MAP3K10: variants seen among roughly 807,000 people sequenced by gnomAD.
MAP3K10 encodes MKN28 derived nonreceptor_type serine/threonine kinase.
Under a neutral mutation model 75.0 loss-of-function variants are expected in MAP3K10, and 22 were observed. That is an observed-to-expected ratio of 0.29 (90% CI 0.21 to 0.42). The LOEUF (loss-of-function observed/expected upper bound fraction) is 0.42. MAP3K10 is among the 10% of genes least tolerant of loss of function. The pLI is 1.00. For synonymous variants in MAP3K10, 599 were observed against 612.9 expected (o/e 0.98, Z 0.34); for missense variants, 1,165 against 1,379.8 (o/e 0.84, Z 2.47).
intron 6 of MAP3K10, 73 bp downstream of exon 6, chr19:40,209,292 T>C: frequency 8.4e-7 from 1 of 1,186,608 alleles, no homozygotes; most frequent in Non-Finnish European, 1.2e-6. Context: ...TGTTTATACC[T>C]GGCACCAAGC....
rs200143553 is a variant in MAP3K10 at position 40,198,451 on chromosome 19, C to T, written c.759C>T (p.Arg253=). ...VLKITDFGLA[R]EWHKTTKMSA... ...AGATCACGGACTTCGGCCTCGCCCG[C>T]GAGTGGCACAAGACCACCAAGATGA... The change falls in exon 2 of 10, where the codon CGC becomes CGT. Residue 253 remains arginine (R), a synonymous_variant. Transcript: ENST00000253055. This position sits in a 1 kb window ranked among gnomAD's most constrained non-coding sequence, Gnocchi z 4.3. 19 of 1,614,180 alleles carry T rather than the reference C, an allele frequency of 1.2e-5. No individual in the cohort carries two copies. In the Admixed American group the frequency reaches 1.7e-4, roughly 14 times the overall value.
Position 40,213,413 on chromosome 19 carries a change from T to G in MAP3K10, c.1838-104T>G. 1 of 1,518,838 alleles carries G rather than the reference T, an allele frequency of 6.6e-7. No individual in the cohort carries two copies. The highest frequency in any genetic ancestry group is 8.8e-7 in the Non-Finnish European group (1 of 1,138,222). 94.1% of individuals were successfully genotyped at this position (1,518,838 alleles called of 1,614,324 possible). Reference sequence around the variant, plus strand: ...GATTCAAGAACGATGCTCGTGGGTCTTGGTCTTGCTGTTGGAGGGGTCATC... The same window carrying G: ...GATTCAAGAACGATGCTCGTGGGTCGTGGTCTTGCTGTTGGAGGGGTCATC... On this transcript the variant is annotated intron_variant, in intron 8 of 9. Transcript: ENST00000253055. The surrounding 1 kb of genome is among the most constrained non-coding windows in gnomAD (Gnocchi z 5.7).
In MAP3K10 at chr19:40,213,950, C is replaced by T. The variant is rs751025880; in HGVS notation, c.2271C>T (p.Ser757=). ...TGTCGTCCGTGTCCGACTGCAACTCCACGCGTTCACTGCTGCGCTCTGACA... is the reference window on the plus strand; with the variant it reads ...TGTCGTCCGTGTCCGACTGCAACTCTACGCGTTCACTGCTGCGCTCTGACA... ...VSLSSVSDCN[S]TRSLLRSDSD... Residue 757 remains serine (S), a synonymous_variant, in exon 9 of 10, where the codon TCC becomes TCT. Coordinates refer to ENST00000253055, the MANE Select transcript of MAP3K10 (RefSeq NM_002446.4). This position sits in a 1 kb window ranked among gnomAD's most constrained non-coding sequence, Gnocchi z 5.7. 31 of 1,533,242 alleles carry T rather than the reference C, an allele frequency of 2.0e-5. No homozygotes were observed. The East Asian group carries it at 7.1e-4, about 35-fold the overall frequency. The allele number at this position is 1,533,242 out of a possible 1,614,324, so 95.0% of individuals were successfully genotyped here.
Position 40,198,595 on chromosome 19 carries a change from G to C in MAP3K10, c.863+40G>C. The C allele has an allele frequency of 6.4e-7, 1 of 1,568,156 alleles. No homozygotes were observed. Among genetic ancestry groups the C allele is most frequent in the Non-Finnish European group, 8.7e-7 (1 of 1,150,964 alleles). ...GGCCGGGATGGCCTCTGGGGAGTAA[G>C]GGAGGGAGGAAGGGGTGAGGGCAGA... is the stretch of plus-strand genomic sequence containing the variant. On this transcript the variant is annotated intron_variant, in intron 2 of 9. Coordinates refer to ENST00000253055, the MANE Select transcript of MAP3K10 (RefSeq NM_002446.4). The surrounding 1 kb of genome is among the most constrained non-coding windows in gnomAD (Gnocchi z 4.3).
chr19:40,192,346 T>C lies in MAP3K10; in HGVS notation c.315T>C (p.Gly105=), dbSNP rs760193793. 2 of 1,613,034 alleles carry C rather than the reference T, an allele frequency of 1.2e-6. No individual in the cohort carries two copies. Among genetic ancestry groups the C allele is most frequent in the South Asian group, 2.2e-5 (2 of 91,020 alleles). The change falls in exon 1 of 10, where the codon GGT becomes GGC. Residue 105 remains glycine, a synonymous_variant. Coordinates refer to ENST00000253055, the MANE Select transcript of MAP3K10 (RefSeq NM_002446.4). The surrounding 1 kb of genome is among the most constrained non-coding windows in gnomAD (Gnocchi z 7.1). ...FHELQLEEII[G]VGGFGKVYRA... is the part of the protein sequence containing the mutation. ...AGCTGCAGCTAGAGGAGATCATCGG[T>C]GTGGGGGGCTTTGGCAAGGTCTATC...
chr19:40,208,254 C>T (rs572140921), intron 5 of MAP3K10, among the ~76,000 whole-genome samples: 1 of 151,338 alleles, frequency 6.6e-6, no homozygotes, highest in East Asian at 2.0e-4. Context: ...TCACTGCAAG[C>T]TCTGCCTCCC....
intron 2 of MAP3K10, among the ~76,000 whole-genome samples, chr19:40,199,625 T>C (rs973511425): frequency 6.6e-5 from 10 of 152,098 alleles, no homozygotes; most frequent in African/African-American, 2.2e-4. Context: ...GAGAGGGAGC[T>C]GGAAGGCCCT....
rs375817598 is a variant in MAP3K10, at chr19:40,204,766, G to T, written c.1012+133G>T. Reference sequence around the variant, plus strand: ...AGGAAGAAGGGGCTGGAACCCACTGGACTCTAAACAGCCTCCCCATGGTTG... The same window carrying T: ...AGGAAGAAGGGGCTGGAACCCACTGTACTCTAAACAGCCTCCCCATGGTTG... On this transcript the variant is annotated intron_variant, in intron 3 of 9. Coordinates refer to ENST00000253055, the MANE Select transcript of MAP3K10 (RefSeq NM_002446.4). The surrounding 1 kb of genome is among the most constrained non-coding windows in gnomAD (Gnocchi z 4.3). The T allele has an allele frequency of 1.5e-4, 162 of 1,115,372 alleles. No homozygotes were observed. The highest frequency in any genetic ancestry group is 1.9e-4 in the Non-Finnish European group (155 of 804,886). 69.1% of individuals were successfully genotyped at this position (1,115,372 alleles called of 1,614,324 possible).
chr19:40,199,742 G>A (rs1972982907), intron 2 of MAP3K10, among the ~76,000 whole-genome samples: 1 of 152,230 alleles, frequency 6.6e-6, no homozygotes, highest in Non-Finnish European at 1.5e-5. Flanking sequence ...AGTACTTTGG[G>A]AGGCCAAGGT....
In MAP3K10 at chr19:40,213,789, C is replaced by T. The variant is rs1447357184; in HGVS notation, c.2110C>T (p.Arg704Cys). 1.6e-6 allele frequency: 2 copies of T among 1,251,692 alleles called. No homozygotes were observed. The highest frequency in any genetic ancestry group is 2.0e-6 in the Non-Finnish European group (2 of 992,328). 77.5% of individuals were successfully genotyped at this position (1,251,692 alleles called of 1,614,324 possible). ...ARAADGEEQR[R>C]WLDGLFFPRA... ...CGCGGCCGACGGTGAGGAGCAGCGG[C>T]GCTGGCTCGACGGCCTCTTCTTTCC... The change falls in exon 9 of 10, where the codon CGC becomes TGC. Residue 704 changes from arginine to cysteine, a missense_variant. Coordinates refer to ENST00000253055, the MANE Select transcript of MAP3K10 (RefSeq NM_002446.4). This position sits in a 1 kb window ranked among gnomAD's most constrained non-coding sequence, Gnocchi z 5.7.
At position 40,214,935 on chromosome 19, in the gene MAP3K10, C is replaced by T. The variant is rs1973322616; in HGVS notation, c.2543-35C>T. On this transcript the variant is annotated intron_variant, in intron 9 of 9. Transcript: ENST00000253055. ...GGCTTTTTAATGCCACCCTCTGCCC[C>T]ACCCCACTCACCTCCTCTGAACCTC... 4.0e-6 allele frequency: 4 copies of T among 1,002,226 alleles called. No homozygotes were observed. In the South Asian group the frequency reaches 5.4e-5, roughly 14 times the overall value. 62.1% of individuals were successfully genotyped at this position (1,002,226 alleles called of 1,614,324 possible). A position where few individuals can be genotyped will look rare whatever the true frequency, so the allele number is the denominator to read the frequency against.
chr19:40,199,794 C>T (rs1972984139), intron 2 of MAP3K10, among the ~76,000 whole-genome samples: 1 of 151,812 alleles, frequency 6.6e-6, no homozygotes, highest in African/African-American at 2.4e-5. Context: ...CCAGCCTGGT[C>T]AATGTAGTGA....
At chr19:40,211,075 G>A (rs1007082457) in intron 6 of MAP3K10, among the ~76,000 whole-genome samples, 4 of 152,228 alleles carry the variant, frequency 2.6e-5, no homozygotes, top group African/African-American at 9.6e-5. Context: ...ATGGGAGGAG[G>A]TGAGGTTTGA....
rs61289931 is a variant in MAP3K10 at position 40,195,471 on chromosome 19, C to CTT, written c.682+2794_682+2795dup. Among the ~76,000 whole-genome samples the CTT allele has an allele frequency of 9.3e-3, 451 of 48,628 alleles. 148 individuals carry two copies. Among genetic ancestry groups the CTT allele is most frequent in the Non-Finnish European group, 0.012 (265 of 22,782 alleles). 31.9% of individuals were successfully genotyped at this position (48,628 alleles called of 152,430 possible). On this transcript the variant is annotated intron_variant, in intron 1 of 9. Transcript: ENST00000253055. ...GAGGTAACACTGAAGCCCGCCCGGC[C>CTT]TTTTTTTTTTTTTTTTTTTTTTTTT... is the stretch of plus-strand genomic sequence containing the variant.
At chr19:40,201,634 A>G (rs1207545296) in intron 2 of MAP3K10, among the ~76,000 whole-genome samples, 2 of 151,414 alleles carry the variant, frequency 1.3e-5, no homozygotes, top group Admixed American at 1.3e-4. Context: ...CTGGGACTAC[A>G]GGCATGCCAC....
chr19:40,194,323 A>G (rs1417565719), intron 1 of MAP3K10, among the ~76,000 whole-genome samples: 3 of 151,814 alleles, frequency 2.0e-5, no homozygotes, highest in African/African-American at 7.3e-5. Context: ...GCACCACTGC[A>G]CTCCAGCCTG....
At position 40,210,386 on chromosome 19, in the gene MAP3K10, G is replaced by A. The variant is rs747952756; in HGVS notation, c.1552+1167G>A. On this transcript the variant is annotated intron_variant, in intron 6 of 9. Transcript: ENST00000253055. Reference sequence around the variant, plus strand: ...TGCAAGCCAGAGGTGCGGGAAAGCCGGTGATGTAGTTCCAAATCAAGTCCA... The same window carrying A: ...TGCAAGCCAGAGGTGCGGGAAAGCCAGTGATGTAGTTCCAAATCAAGTCCA... Among the ~76,000 whole-genome samples, 6 of 152,260 alleles carry A rather than the reference G, an allele frequency of 3.9e-5. No homozygotes were observed. In the East Asian group the frequency reaches 5.8e-4, roughly 15 times the overall value.
intron 5 of MAP3K10, among the ~76,000 whole-genome samples, chr19:40,208,431 C>T (rs1335662431): frequency 2.1e-5 from 3 of 141,552 alleles, no homozygotes; most frequent in Non-Finnish European, 3.1e-5. Flanking sequence ...CTCCTGACCT[C>T]GTGATCCGCC....
chr19:40,207,957 C>T (rs553579431), intron 5 of MAP3K10, among the ~76,000 whole-genome samples: 7 of 151,738 alleles, frequency 4.6e-5, no homozygotes, highest in Non-Finnish European at 7.4e-5. Context: ...TGAACTCCTG[C>T]GCTCAGGCAG....
Sources: gnomAD v4.1 joint callset for allele counts (sites outside exome capture counted in the v4.1 genomes callset) on GRCh38, gnomAD v4.1.1 for gene constraint, Gnocchi (gnomAD v3.1) non-coding constraint, MANE v1.5 for transcripts, NCBI Gene and HGNC (gene_info 2026-07-23, HGNC 2026-07-21) for gene names.